GREM1: variants seen among roughly 807,000 people sequenced by gnomAD.
The protein encoded by GREM1 is gremlin-1.
A neutral mutation model predicts 13.1 loss-of-function variants in GREM1; 6 were observed. The observed-to-expected ratio is 0.46, with a 90% CI of 0.25 to 0.91. The LOEUF (loss-of-function observed/expected upper bound fraction) is 0.91. Among genes scored for constraint, GREM1 ranks in the 40% least tolerant of loss-of-function variants. GREM1 has a pLI of 0.18. For synonymous variants in GREM1, 98 were observed against 93.7 expected (o/e 1.05, Z -0.27); for missense variants, 185 against 233.9 (o/e 0.79, Z 1.36).
In GREM1 at chr15:32,733,275, C is replaced by A; in HGVS notation, c.*2030C>A. 8.9e-6 allele frequency: 2 copies of A among 225,118 alleles called. No homozygotes were observed. The highest frequency in any genetic ancestry group is 1.9e-5 in the Non-Finnish European group (2 of 103,636). The allele number at this position is 225,118 out of a possible 1,614,324, so 13.9% of individuals were successfully genotyped here. On this transcript the variant is annotated 3_prime_UTR_variant, in exon 2 of 2. Coordinates refer to ENST00000651154, the MANE Select transcript of GREM1 (RefSeq NM_013372.7). ...GTGGATTTAATTAAGCACACAAATGCTAAGGCAGAATTTTGAGGGTGGGAG... is the reference window on the plus strand; with the variant it reads ...GTGGATTTAATTAAGCACACAAATGATAAGGCAGAATTTTGAGGGTGGGAG...
In GREM1 at chr15:32,735,905, G is replaced by C. The variant is rs1314757644; in HGVS notation, c.*4660G>C. ...AATAGATTCAACTTCTTATAGCTCT[G>C]GAAATTAACTGAAGATGTATAGCAA... On this transcript the variant is annotated 3_prime_UTR_variant, in exon 2 of 2. Coordinates refer to ENST00000651154, the MANE Select transcript of GREM1 (RefSeq NM_013372.7). The C allele has an allele frequency of 2.0e-5, 3 of 152,114 alleles. No individual in the cohort carries two copies. The highest frequency in any genetic ancestry group is 7.2e-5 in the African/African-American group (3 of 41,400). 9.4% of individuals were successfully genotyped at this position (152,114 alleles called of 1,614,324 possible).
At position 32,738,603 on chromosome 15, in the gene GREM1, G is replaced by A. The variant is rs2055734346; in HGVS notation, c.*7358G>A. ...CTAAAATTCATAAGAAATTGAAAGG[G>A]ATCCACAATAGCCAAAATAATCTTA... On this transcript the variant is annotated 3_prime_UTR_variant, in exon 2 of 2. Transcript: ENST00000651154. 6.6e-6 allele frequency: 1 copy of A among 152,144 alleles called. No individual in the cohort carries two copies. The highest frequency in any genetic ancestry group is 2.1e-4 in the South Asian group (1 of 4,820). The allele number at this position is 152,144 out of a possible 1,614,324, so 9.4% of individuals were successfully genotyped here.
At chr15:32,729,014 T>TTTTC (rs961485787) in intron 1 of GREM1, among the ~76,000 whole-genome samples, 15 of 152,060 alleles carry the variant, frequency 9.9e-5, no homozygotes, top group East Asian at 5.8e-4. Context: ...TTCTTTTTTT[T>TTTTC]TTTCTTTCTT....
At chr15:32,726,812 G>T (rs28855511) in intron 1 of GREM1, among the ~76,000 whole-genome samples, 1 of 149,486 alleles carries the variant, frequency 6.7e-6, no homozygotes, top group South Asian at 2.1e-4. Context: ...ACAATAAAAA[G>T]TGATAAAGGG....
Position 32,743,112 on chromosome 15 carries a change from T to G in GREM1, c.*11867T>G, listed in dbSNP as rs1025723414. The G allele has an allele frequency of 6.6e-6, 1 of 152,246 alleles. No homozygotes were observed. The highest frequency in any genetic ancestry group is 2.1e-4 in the South Asian group (1 of 4,836). 9.4% of individuals were successfully genotyped at this position (152,246 alleles called of 1,614,324 possible). On this transcript the variant is annotated 3_prime_UTR_variant, in exon 2 of 2. Transcript: ENST00000651154. Reference sequence around the variant, plus strand: ...AGACACGGGGTGACATGAGACCACTTTGGCAAATCAGAATGCTCATTCCAT... The same window carrying G: ...AGACACGGGGTGACATGAGACCACTGTGGCAAATCAGAATGCTCATTCCAT...
Position 32,739,711 on chromosome 15 carries a change from A to T in GREM1, c.*8466A>T, listed in dbSNP as rs1032526348. 6.6e-6 allele frequency: 1 copy of T among 152,258 alleles called. No homozygotes were observed. The highest frequency in any genetic ancestry group is 1.5e-5 in the Non-Finnish European group (1 of 68,086). 9.4% of individuals were successfully genotyped at this position (152,258 alleles called of 1,614,324 possible). The stretch of plus-strand genomic sequence containing the variant: ...CTAAAAGGCTCCTGCACTCCCAGCA[A>T]ATGCAAAAACCAGACTCACCAAAGC... On this transcript the variant is annotated 3_prime_UTR_variant, in exon 2 of 2. Coordinates refer to ENST00000651154, the MANE Select transcript of GREM1 (RefSeq NM_013372.7).
In GREM1 at chr15:32,732,069, A is replaced by G. The variant is rs1411012068; in HGVS notation, c.*824A>G. ...GGAGAAATGAGATTGCCAGAAAGTG[A>G]TTAACTTTGGCCGTTGCAATCTGCT... On this transcript the variant is annotated 3_prime_UTR_variant, in exon 2 of 2. Coordinates refer to ENST00000651154, the MANE Select transcript of GREM1 (RefSeq NM_013372.7). 4.2e-6 allele frequency: 1 copy of G among 237,554 alleles called. No individual in the cohort carries two copies. The allele number at this position is 237,554 out of a possible 1,614,324, so 14.7% of individuals were successfully genotyped here.
In GREM1 at chr15:32,737,455, T is replaced by A; in HGVS notation, c.*6210T>A. The A allele has an allele frequency of 6.6e-6, 1 of 152,190 alleles. No homozygotes were observed. Among genetic ancestry groups the A allele is most frequent in the East Asian group, 1.9e-4 (1 of 5,192 alleles). 9.4% of individuals were successfully genotyped at this position (152,190 alleles called of 1,614,324 possible). On this transcript the variant is annotated 3_prime_UTR_variant, in exon 2 of 2. Coordinates refer to ENST00000651154, the MANE Select transcript of GREM1 (RefSeq NM_013372.7). Reference sequence around the variant, plus strand: ...TGGGATTTGCCCCAGGAATGCAAGATTGATTTAACCATCAGTGTAATGCAT... The same window carrying A: ...TGGGATTTGCCCCAGGAATGCAAGAATGATTTAACCATCAGTGTAATGCAT...
rs762087325 is a variant in GREM1, at chr15:32,730,959, A to G, written c.269A>G (p.Lys90Arg). The G allele has an allele frequency of 1.2e-6, 2 of 1,614,152 alleles. No homozygotes were observed. Among genetic ancestry groups the G allele is most frequent in the Admixed American group, 1.7e-5 (1 of 60,020 alleles). Residue 90 changes from lysine (K) to arginine (R), a missense_variant, in exon 2 of 2, where the codon AAG (lysine) becomes AGG (arginine). Coordinates refer to ENST00000651154, the MANE Select transcript of GREM1 (RefSeq NM_013372.7). ...CATGTGACGGAGCGCAAATACCTGAAGCGAGACTGGTGCAAAACCCAGCCG... is the reference window on the plus strand; with the variant it reads ...CATGTGACGGAGCGCAAATACCTGAGGCGAGACTGGTGCAAAACCCAGCCG... ...ALHVTERKYL[K>R]RDWCKTQPLK...
chr15:32,738,114 A>G lies in GREM1; in HGVS notation c.*6869A>G, dbSNP rs1331431096. 9 of 127,342 alleles carry G rather than the reference A, an allele frequency of 7.1e-5. 1 individual carries two copies. The highest frequency in any genetic ancestry group is 2.9e-4 in the African/African-American group (9 of 31,492). 7.9% of individuals were successfully genotyped at this position (127,342 alleles called of 1,614,324 possible). On this transcript the variant is annotated 3_prime_UTR_variant, in exon 2 of 2. Coordinates refer to ENST00000651154, the MANE Select transcript of GREM1 (RefSeq NM_013372.7). ...AAAAAAAAAAAAAAAAAAAAAAAAA[A>G]AAAAAAAAAAAAAAAAAAAGAAAAG...
In GREM1 at chr15:32,744,182, T is replaced by G. The variant is rs899890128; in HGVS notation, c.*12937T>G. On this transcript the variant is annotated 3_prime_UTR_variant, in exon 2 of 2. Coordinates refer to ENST00000651154, the MANE Select transcript of GREM1 (RefSeq NM_013372.7). ...TTTTTTAATTACACTCTCAGTTACA[T>G]GAATCAATAAATTCCATTTTTGGCT... is the stretch of plus-strand genomic sequence containing the variant. 6 of 152,160 alleles carry G rather than the reference T, an allele frequency of 3.9e-5. No individual in the cohort carries two copies. The highest frequency in any genetic ancestry group is 8.8e-5 in the Non-Finnish European group (6 of 68,018). 9.4% of individuals were successfully genotyped at this position (152,160 alleles called of 1,614,324 possible). A position where few individuals can be genotyped will look rare whatever the true frequency, so the allele number is the denominator to read the frequency against.
rs2055701529 is a variant in GREM1, at chr15:32,736,687, C to T, written c.*5442C>T. 6.6e-6 allele frequency: 1 copy of T among 152,052 alleles called. No individual in the cohort carries two copies. Among genetic ancestry groups the T allele is most frequent in the African/African-American group, 2.4e-5 (1 of 41,386 alleles). The allele number at this position is 152,052 out of a possible 1,614,324, so 9.4% of individuals were successfully genotyped here. On this transcript the variant is annotated 3_prime_UTR_variant, in exon 2 of 2. Coordinates refer to ENST00000651154, the MANE Select transcript of GREM1 (RefSeq NM_013372.7). ...CAGAGACTTCAGTGTCCACACACAA[C>T]AAAAAATACAGACTTTACAGAATTA...
Position 32,731,521 on chromosome 15 carries a change from C to T in GREM1, c.*276C>T, listed in dbSNP as rs535341304. 1 of 483,044 alleles carries T rather than the reference C, an allele frequency of 2.1e-6. No individual in the cohort carries two copies. The highest frequency in any genetic ancestry group is 3.4e-5 in the South Asian group (1 of 29,500). 29.9% of individuals were successfully genotyped at this position (483,044 alleles called of 1,614,324 possible). A position where few individuals can be genotyped will look rare whatever the true frequency, so the allele number is the denominator to read the frequency against. On this transcript the variant is annotated 3_prime_UTR_variant, in exon 2 of 2. Coordinates refer to ENST00000651154, the MANE Select transcript of GREM1 (RefSeq NM_013372.7). ...ATGGGGATGTACCAGAAACCCACCT[C>T]ACCCCGGCTCACATCTAAAGGGGCG... is the stretch of plus-strand genomic sequence containing the variant.
chr15:32,735,798 G>A lies in GREM1; in HGVS notation c.*4553G>A, dbSNP rs1468694737. On this transcript the variant is annotated 3_prime_UTR_variant, in exon 2 of 2. Coordinates refer to ENST00000651154, the MANE Select transcript of GREM1 (RefSeq NM_013372.7). ...GAAAAAAAAAAAAAAGAAGAATGTG[G>A]GAGGATGTCAGCAACAATGCTTGAG... 6.6e-6 allele frequency: 1 copy of A among 151,964 alleles called. No individual in the cohort carries two copies. Among genetic ancestry groups the A allele is most frequent in the Admixed American group, 6.6e-5 (1 of 15,254 alleles). The allele number at this position is 151,964 out of a possible 1,614,324, so 9.4% of individuals were successfully genotyped here.
In GREM1 at chr15:32,733,837, A is replaced by T. The variant is rs1032170952; in HGVS notation, c.*2592A>T. The T allele has an allele frequency of 2.1e-5, 5 of 240,182 alleles. No individual in the cohort carries two copies. In the Admixed American group the frequency reaches 2.9e-4, roughly 14 times the overall value. 14.9% of individuals were successfully genotyped at this position (240,182 alleles called of 1,614,324 possible). On this transcript the variant is annotated 3_prime_UTR_variant, in exon 2 of 2. Transcript: ENST00000651154. ...TTATGATGTACACTTTGTGCTTGGC[A>T]TTAAAAGAAAAAAACACACATCCTG...
At chr15:32,721,383 T>C (rs2055404434) in intron 1 of GREM1, among the ~76,000 whole-genome samples, 1 of 152,202 alleles carries the variant, frequency 6.6e-6, no homozygotes. Flanking sequence ...AGGTAGCTCT[T>C]ATTATTAGTA....
chr15:32,728,192 C>T (rs972088082), intron 1 of GREM1, among the ~76,000 whole-genome samples: 3 of 151,960 alleles, frequency 2.0e-5, no homozygotes, highest in Non-Finnish European at 2.9e-5. Context: ...CGATCCTAAG[C>T]AAAAAGAAAA....
rs1313119554 is a variant in GREM1 at position 32,738,773 on chromosome 15, C to A, written c.*7528C>A. ...CTTGAGCACAGGAGTTTGAGACCAG[C>A]CTGGACGATATAGTGAGACCTTGTC... On this transcript the variant is annotated 3_prime_UTR_variant, in exon 2 of 2. Transcript: ENST00000651154. 1 of 152,152 alleles carries A rather than the reference C, an allele frequency of 6.6e-6. No homozygotes were observed. The allele number at this position is 152,152 out of a possible 1,614,324, so 9.4% of individuals were successfully genotyped here.
At position 32,731,322 on chromosome 15, in the gene GREM1, A is replaced by T. The variant is rs2055613881; in HGVS notation, c.*77A>T. 8.2e-7 allele frequency: 1 copy of T among 1,214,202 alleles called. No homozygotes were observed. The highest frequency in any genetic ancestry group is 1.2e-6 in the Non-Finnish European group (1 of 850,316). 75.2% of individuals were successfully genotyped at this position (1,214,202 alleles called of 1,614,324 possible). On this transcript the variant is annotated 3_prime_UTR_variant, in exon 2 of 2. Coordinates refer to ENST00000651154, the MANE Select transcript of GREM1 (RefSeq NM_013372.7). ...CCAGACCTAAAACAACCAGATTCTT[A>T]CTTGGCTTAAACCTAGAGGCCAGAA...
Sources: allele counts gnomAD v4.1 joint callset (sites outside exome capture counted in the v4.1 genomes callset), GRCh38; gene constraint gnomAD v4.1.1; transcripts MANE v1.5; gene names NCBI Gene and HGNC (gene_info 2026-07-23, HGNC 2026-07-21).